The following ZNF469 variants were observed in gnomAD, a reference collection of about 807,000 sequenced individuals.
ZNF469 encodes zinc finger protein 469.
In ZNF469, 1 loss-of-function variant was observed where a neutral mutation model predicts 1.0. The ratio of observed to expected loss-of-function variants is 1.00; its 90% CI spans 0.35 to 4.73. The LOEUF (loss-of-function observed/expected upper bound fraction) is 4.73, where lower values mean the gene tolerates loss of function less well. ZNF469 is among the 30% of genes most tolerant of loss of function. The probability of loss-of-function intolerance (pLI) is 0.16; values close to 1 mark genes in which losing one functional copy is unlikely to be tolerated. For missense variants in ZNF469, 6,100 were observed against 5,356.3 expected, an observed-to-expected ratio of 1.14 and a Z score of -4.33; for synonymous variants, 2,703 against 2,363.4, an observed-to-expected ratio of 1.14 and a Z score of -4.17.
In ZNF469 at chr16:88,428,700, G is replaced by C. The variant is rs942110257; in HGVS notation, c.1230G>C (p.Ala410=). The C allele has an allele frequency of 4.5e-6, 7 of 1,549,120 alleles. No homozygotes were observed. The Admixed American group carries it at 1.2e-4, about 26-fold the overall frequency. The change falls in exon 3 of 3, where the codon GCG becomes GCC. Residue 410 remains alanine (A), a synonymous_variant. Transcript: ENST00000565624. ...CCCAGAGGCACTTTCCAGGGCAGGC[G>C]TACAGAGCCAGTGGGGTGGACACCA... ...SLPQRHFPGQ[A]YRASGVDTSP...
the ZNF469 span, among the ~76,000 whole-genome samples, chr16:88,270,352 G>C: frequency 2.0e-5 from 3 of 152,216 alleles, no homozygotes; most frequent in African/African-American, 7.2e-5. Flanking sequence ...GGGCCTTTCA[G>C]CACCGTGGGC....
At chr16:88,256,045 C>A in the ZNF469 span, among the ~76,000 whole-genome samples, 1 of 152,168 alleles carries the variant, frequency 6.6e-6, no homozygotes, top group Non-Finnish European at 1.5e-5. Flanking sequence ...AACGGTGGTA[C>A]TTGTCCAAAA....
the ZNF469 span, among the ~76,000 whole-genome samples, chr16:88,235,386 C>A: frequency 6.6e-6 from 1 of 152,202 alleles, no homozygotes; most frequent in Non-Finnish European, 1.5e-5. Context: ...CACCCTCCCC[C>A]AACACACCTG....
the ZNF469 span, among the ~76,000 whole-genome samples, chr16:88,117,505 A>G: frequency 6.6e-6 from 1 of 151,428 alleles, no homozygotes; most frequent in Admixed American, 6.6e-5. Flanking sequence ...TGCCTAGAAG[A>G]CCCTGGGGAG....
chr16:88,271,562 C>T, the ZNF469 span, among the ~76,000 whole-genome samples: 1 of 140,524 alleles, frequency 7.1e-6, no homozygotes, highest in African/African-American at 2.5e-5. Context: ...TTGCTCCCAA[C>T]AGGGTCTGAG....
chr16:88,279,231 G>T, the ZNF469 span, among the ~76,000 whole-genome samples: 68 of 134,880 alleles, frequency 5.0e-4, no homozygotes, highest in African/African-American at 1.7e-3. Flanking sequence ...AGATATCACT[G>T]CACGGTTAGT....
At chr16:88,159,380 C>G in the ZNF469 span, among the ~76,000 whole-genome samples, 1 of 152,178 alleles carries the variant, frequency 6.6e-6, no homozygotes, top group Admixed American at 6.5e-5. Flanking sequence ...GAGGAGCCGT[C>G]TCTACCGTGC....
At chr16:88,405,498 G>C (rs1385156845) in intron 1 of ZNF469, among the ~76,000 whole-genome samples, 1 of 152,146 alleles carries the variant, frequency 6.6e-6, no homozygotes, top group Non-Finnish European at 1.5e-5. Flanking sequence ...CTGCCTCCCT[G>C]GCGTCCTCCC....
intron 1 of ZNF469, among the ~76,000 whole-genome samples, chr16:88,388,941 G>A (rs926341649): frequency 2.0e-5 from 3 of 152,184 alleles, no homozygotes; most frequent in Non-Finnish European, 2.9e-5. Flanking sequence ...TGTAGAAGCC[G>A]GGGAGCCAGG....
chr16:88,366,526 A>G, the ZNF469 span, among the ~76,000 whole-genome samples: 2 of 143,844 alleles, frequency 1.4e-5, no homozygotes, highest in African/African-American at 5.0e-5. Context: ...CATTATCACC[A>G]TCATCATCAT....
the ZNF469 span, among the ~76,000 whole-genome samples, chr16:88,265,727 G>T: frequency 6.6e-6 from 1 of 152,220 alleles, no homozygotes; most frequent in African/African-American, 2.4e-5. Context: ...AGACGGGAGT[G>T]GGTTGTGCCC....
Position 88,438,363 on chromosome 16 carries a change from C to T in ZNF469, c.10893C>T (p.Gly3631=). 2.6e-6 allele frequency: 4 copies of T among 1,550,226 alleles called. No individual in the cohort carries two copies. Among genetic ancestry groups the T allele is most frequent in the Non-Finnish European group, 3.5e-6 (4 of 1,146,962 alleles). ...AACGCAGGGCCCCGGGTGCCCGTGG[C>T]AGGTGTGCCCCTGACCATTTCCAGG... ...SGKRRAPGAR[G]RCAPDHFQED... The change falls in exon 3 of 3, where the codon GGC becomes GGT. Residue 3631 remains glycine (G), a synonymous_variant. Transcript: ENST00000565624.
the ZNF469 span, among the ~76,000 whole-genome samples, chr16:88,324,192 C>G: frequency 1.3e-5 from 2 of 152,350 alleles, no homozygotes; most frequent in East Asian, 3.9e-4. Context: ...GGGCTGGGTC[C>G]CAAGAGGCAG....
the ZNF469 span, among the ~76,000 whole-genome samples, chr16:88,263,758 C>T: frequency 1.3e-5 from 2 of 152,212 alleles, no homozygotes; most frequent in Non-Finnish European, 1.5e-5. Flanking sequence ...CTGCAGACAC[C>T]GCCTCTCCCA....
At chr16:88,329,975 G>C in the ZNF469 span, among the ~76,000 whole-genome samples, 1 of 152,224 alleles carries the variant, frequency 6.6e-6, no homozygotes, top group Admixed American at 6.5e-5. Context: ...CTGGGCACAG[G>C]GTGCCTGGGT....
chr16:88,243,789 A>G, the ZNF469 span, among the ~76,000 whole-genome samples: 1 of 149,100 alleles, frequency 6.7e-6, no homozygotes, highest in African/African-American at 2.5e-5. Flanking sequence ...ATGGATGGAT[A>G]AAGGAATTGG....
the ZNF469 span, among the ~76,000 whole-genome samples, chr16:88,360,841 C>T: frequency 1.3e-5 from 2 of 152,118 alleles, no homozygotes; most frequent in African/African-American, 2.4e-5. Context: ...CTGCCCGACA[C>T]CCCCTGTTAC....
chr16:88,108,884 C>A, the ZNF469 span, among the ~76,000 whole-genome samples: 1 of 152,196 alleles, frequency 6.6e-6, no homozygotes, highest in African/African-American at 2.4e-5. Context: ...GGGCCACCAG[C>A]CCCGGTCGGG....
chr16:88,110,841 C>T, the ZNF469 span, among the ~76,000 whole-genome samples: 2 of 152,352 alleles, frequency 1.3e-5, no homozygotes, highest in South Asian at 2.1e-4. Flanking sequence ...AGGTGCAGCT[C>T]AGCCGGGTGT....
Sources: gnomAD v4.1 joint callset for allele counts (sites outside exome capture counted in the v4.1 genomes callset) on GRCh38, gnomAD v4.1.1 for gene constraint, MANE v1.5 for transcripts, NCBI Gene and HGNC (gene_info 2026-07-23, HGNC 2026-07-21) for gene names.